The following CACNA1E variants were observed in gnomAD, a reference collection of about 807,000 sequenced individuals.
CACNA1E encodes the protein calcium voltage-gated channel subunit alpha1 E.
In CACNA1E, 40 loss-of-function variants were observed where a neutral mutation model predicts 259.2. That is an observed-to-expected ratio of 0.15 (90% CI 0.12 to 0.20). The LOEUF (loss-of-function observed/expected upper bound fraction) is 0.20. Ranked by LOEUF, CACNA1E falls within the 10% of genes least tolerant of loss-of-function variation. The pLI is 1.00. For missense variants in CACNA1E, 1,874 were observed against 3,040.1 expected (o/e 0.62, Z 9.02); for synonymous variants, 1,104 against 1,138.5 (o/e 0.97, Z 0.61).
At chr1:181,637,169 C>CATATA (rs1359444853) in intron 6 of CACNA1E, among the ~76,000 whole-genome samples, 4 of 152,166 alleles carry the variant, frequency 2.6e-5, no homozygotes, top group African/African-American at 4.8e-5. Flanking sequence ...GCAGAATCTA[C>CATATA]CAGTTTTGTT....
chr1:181,763,286 A>G, intron 33 of CACNA1E, 120 bp from the exon 34 acceptor site: 2 of 849,228 alleles, frequency 2.4e-6, no homozygotes, highest in Non-Finnish European at 3.6e-6. Context: ...ATTGGGGTTA[A>G]CAAAGACAGA....
chr1:181,552,231 C>A (rs559849784), intron 3 of CACNA1E, among the ~76,000 whole-genome samples: 1 of 152,208 alleles, frequency 6.6e-6, no homozygotes, highest in Non-Finnish European at 1.5e-5. Flanking sequence ...CCCCTCCTCA[C>A]ACCCTTGGCT....
chr1:181,321,386 T>C (rs1650330869), intron 1 of CACNA1E, among the ~76,000 whole-genome samples: 1 of 152,208 alleles, frequency 6.6e-6, no homozygotes, highest in Non-Finnish European at 1.5e-5. Flanking sequence ...AATTGTCTAA[T>C]GGAAAGGCAG....
chr1:181,497,086 A>C (rs1346027409), intron 1 of CACNA1E, among the ~76,000 whole-genome samples: 4 of 152,026 alleles, frequency 2.6e-5, no homozygotes, highest in Non-Finnish European at 4.4e-5. Flanking sequence ...AGAGGTATTT[A>C]TTTATTTTTG....
chr1:181,404,936 T>A (rs642876), intron 1 of CACNA1E, among the ~76,000 whole-genome samples: 1 of 152,000 alleles, frequency 6.6e-6, no homozygotes, highest in Non-Finnish European at 1.5e-5. Flanking sequence ...GCCCCATATG[T>A]CCAGCTTTGG....
chr1:181,659,323 G>T (rs576559345), intron 7 of CACNA1E, among the ~76,000 whole-genome samples: 1 of 152,118 alleles, frequency 6.6e-6, no homozygotes, highest in Non-Finnish European at 1.5e-5. Flanking sequence ...CATGTTTGTC[G>T]GCTCAGATTT....
intron 1 of CACNA1E, among the ~76,000 whole-genome samples, chr1:181,320,254 A>T (rs1277498533): frequency 6.6e-6 from 1 of 152,188 alleles, no homozygotes; most frequent in East Asian, 1.9e-4. Flanking sequence ...ACATGTCTGG[A>T]TTTCAAACTG....
chr1:181,574,940 G>A (rs1163570884), intron 3 of CACNA1E, among the ~76,000 whole-genome samples: 2 of 151,808 alleles, frequency 1.3e-5, no homozygotes, highest in African/African-American at 2.4e-5. Context: ...CAAGAGAATC[G>A]CTTGAACTCA....
chr1:181,420,650 T>C (rs1279236365), intron 2 of CACNA1E, among the ~76,000 whole-genome samples: 1 of 152,236 alleles, frequency 6.6e-6, no homozygotes, highest in Non-Finnish European at 1.5e-5. Flanking sequence ...TATTGAGCAC[T>C]GGCTATATGG....
chr1:181,453,231 G>T (rs147347961), intron 2 of CACNA1E, among the ~76,000 whole-genome samples: 1 of 152,198 alleles, frequency 6.6e-6, no homozygotes, highest in Non-Finnish European at 1.5e-5. Context: ...GGGCCCAGGG[G>T]CAAAGGAAAT....
chr1:181,563,730 A>G (rs1649545434), intron 3 of CACNA1E, among the ~76,000 whole-genome samples: 3 of 152,166 alleles, frequency 2.0e-5, no homozygotes, highest in African/African-American at 7.2e-5. Flanking sequence ...TCCAATTGGT[A>G]TACTGGCTCC....
intron 14 of CACNA1E, 128 bp from the exon 15 acceptor site, chr1:181,720,654 GA>G: frequency 4.4e-6 from 3 of 685,756 alleles, no homozygotes; most frequent in African/African-American, 1.8e-5. Context: ...GTGGAATGGG[GA>G]AAAAGTAGGG....
rs1034435415 is a variant in CACNA1E at position 181,485,648 on chromosome 1, G to T, written c.266+1638G>T. Among the ~76,000 whole-genome samples, 1 of 152,148 alleles carries T rather than the reference G, an allele frequency of 6.6e-6. No individual in the cohort carries two copies. The highest frequency in any genetic ancestry group is 1.5e-5 in the Non-Finnish European group (1 of 68,024). ...TCGGGTCCCTGCAGTCACGCCTGCC[G>T]GTGCGCTGCACAAAGCGGACAGATC... On this transcript the variant is annotated intron_variant, in intron 1 of 47. Transcript: ENST00000367573. The surrounding 1 kb of genome is among the most constrained non-coding windows in gnomAD (Gnocchi z 4.2).
At chr1:181,561,782 A>T (rs1167011523) in intron 3 of CACNA1E, among the ~76,000 whole-genome samples, 1 of 152,234 alleles carries the variant, frequency 6.6e-6, no homozygotes, top group Admixed American at 6.5e-5. Context: ...GTATATGTAT[A>T]ACTCTGTAAG....
chr1:181,656,381 C>G (rs978418932), intron 7 of CACNA1E, among the ~76,000 whole-genome samples: 3 of 151,728 alleles, frequency 2.0e-5, no homozygotes, highest in Admixed American at 2.0e-4. Context: ...TTTGTGTCTT[C>G]GCTTTTAACA....
At position 181,787,212 on chromosome 1, in the gene CACNA1E, C is replaced by T. The variant is rs977674865; in HGVS notation, c.5786+1393C>T. On this transcript the variant is annotated intron_variant, in intron 43 of 47. Transcript: ENST00000367573. ...TCAGCTGACTGCAAACTCCGCCTCC[C>T]GGGTTCATGCCATTCTCCTGCCTCA... Among the ~76,000 whole-genome samples the T allele has an allele frequency of 3.3e-5, 5 of 151,928 alleles. No individual in the cohort carries two copies. In the East Asian group the frequency reaches 5.8e-4, roughly 18 times the overall value.
chr1:181,771,886 A>G (rs977063360), intron 36 of CACNA1E, among the ~76,000 whole-genome samples, 180 bp from the exon 37 acceptor site: 15 of 152,150 alleles, frequency 9.9e-5, no homozygotes, highest in African/African-American at 3.6e-4. Flanking sequence ...CAGAACCCAA[A>G]ACAGACCTCA....
chr1:181,639,765 C>T (rs982247724), intron 6 of CACNA1E, among the ~76,000 whole-genome samples: 1 of 152,162 alleles, frequency 6.6e-6, no homozygotes, highest in South Asian at 2.1e-4. Context: ...TGGGGATGCT[C>T]ATTTGGAATG....
intron 1 of CACNA1E, among the ~76,000 whole-genome samples, chr1:181,410,714 T>A (rs1657785495): frequency 6.6e-6 from 1 of 152,200 alleles, no homozygotes; most frequent in Non-Finnish European, 1.5e-5. Context: ...AAGCTAGGAC[T>A]TGAAATCTGA....
Sources: gnomAD v4.1 joint callset for allele counts (sites outside exome capture counted in the v4.1 genomes callset) on GRCh38, gnomAD v4.1.1 for gene constraint, Gnocchi (gnomAD v3.1) non-coding constraint, MANE v1.5 for transcripts, NCBI Gene and HGNC (gene_info 2026-07-23, HGNC 2026-07-21) for gene names.